SDK1: variants seen among roughly 807,000 people sequenced by gnomAD.
The protein encoded by SDK1 is protein sidekick-1.
A neutral mutation model predicts 245.5 loss-of-function variants in SDK1; 157 were observed. The observed-to-expected ratio is 0.64, with a 90% CI of 0.56 to 0.73. The LOEUF (loss-of-function observed/expected upper bound fraction) is 0.73. SDK1 is among the 30% of genes least tolerant of loss of function. The pLI is 0.00. For missense variants in SDK1, 3,583 were observed against 3,002.3 expected, an observed-to-expected ratio of 1.19 and a Z score of -4.52; for synonymous variants, 1,647 against 1,278.5, an observed-to-expected ratio of 1.29 and a Z score of -6.15.
At chr7:4,175,664 A>G (rs930947730) in intron 33 of SDK1, 111 bp from the exon 34 acceptor site, 2 of 879,356 alleles carry the variant, frequency 2.3e-6, no homozygotes, top group Non-Finnish European at 3.8e-6. Flanking sequence ...CAGCGTGGGA[A>G]GTGGCTGGCA....
At chr7:3,682,335 T>C (rs1378646429) in intron 4 of SDK1, among the ~76,000 whole-genome samples, 1 of 152,186 alleles carries the variant, frequency 6.6e-6, no homozygotes, top group Non-Finnish European at 1.5e-5. Flanking sequence ...TATGCCACAG[T>C]TGCTTCTTAT....
At chr7:3,749,651 G>C (rs1779722499) in intron 4 of SDK1, among the ~76,000 whole-genome samples, 1 of 152,182 alleles carries the variant, frequency 6.6e-6, no homozygotes. Flanking sequence ...TCTGATACAA[G>C]GATAGAAGTG....
chr7:3,604,260 A>C (rs1228500076), intron 1 of SDK1, among the ~76,000 whole-genome samples: 1 of 152,170 alleles, frequency 6.6e-6, no homozygotes, highest in Non-Finnish European at 1.5e-5. Flanking sequence ...AAGGATTGGT[A>C]CCAGCTCCTC....
chr7:3,633,086 A>G (rs942518195), intron 2 of SDK1, among the ~76,000 whole-genome samples: 3 of 151,488 alleles, frequency 2.0e-5, no homozygotes, highest in Non-Finnish European at 4.4e-5. Context: ...TTTTTTTTTC[A>G]TTTTAAGGAT....
chr7:3,710,200 G>A (rs757837525), intron 4 of SDK1, among the ~76,000 whole-genome samples: 1 of 152,172 alleles, frequency 6.6e-6, no homozygotes, highest in Admixed American at 6.5e-5. Flanking sequence ...ACATGCAGCA[G>A]TTAATTATGC....
intron 4 of SDK1, among the ~76,000 whole-genome samples, chr7:3,781,258 T>G (rs1780726293): frequency 6.6e-6 from 1 of 152,110 alleles, no homozygotes; most frequent in African/African-American, 2.4e-5. Flanking sequence ...CAGAAGTCAT[T>G]GCAGTACTTA....
rs182445135 is a variant in SDK1 at position 4,119,868 on chromosome 7, A to G, written c.3823+5594A>G. On this transcript the variant is annotated intron_variant, in intron 25 of 44. Coordinates refer to ENST00000404826, the MANE Select transcript of SDK1 (RefSeq NM_152744.4). ...GATAGAGGGCTTCAATTACATTAAC[A>G]TACATACAAGTCTGAGAGAAATATA... Among the ~76,000 whole-genome samples the G allele has an allele frequency of 1.4e-4, 21 of 149,344 alleles. 3 individuals carry two copies. The highest frequency in any genetic ancestry group is 2.2e-4 in the African/African-American group (9 of 41,016).
At chr7:3,475,019 C>T (rs528757251) in intron 1 of SDK1, among the ~76,000 whole-genome samples, 4 of 152,144 alleles carry the variant, frequency 2.6e-5, no homozygotes, top group Admixed American at 6.5e-5. Context: ...CTAACTGATA[C>T]CCCTGCATTC....
At chr7:3,597,140 C>T (rs549019855) in intron 1 of SDK1, among the ~76,000 whole-genome samples, 4 of 151,938 alleles carry the variant, frequency 2.6e-5, no homozygotes, top group East Asian at 3.9e-4. Context: ...GATGTGGTGG[C>T]GGGTGCCTGT....
In SDK1 at chr7:3,424,926, A is replaced by T. The variant is rs188010266; in HGVS notation, c.298+123042A>T. Among the ~76,000 whole-genome samples, 24 of 152,280 alleles carry T rather than the reference A, an allele frequency of 1.6e-4. No homozygotes were observed. In the East Asian group the frequency reaches 4.4e-3, roughly 28 times the overall value. Reference sequence around the variant, plus strand: ...AACAAATATTTTTCATCCTTGGAAAAATAAAACCTAAAATAAGAAGAGCAG... The same window carrying T: ...AACAAATATTTTTCATCCTTGGAAATATAAAACCTAAAATAAGAAGAGCAG... On this transcript the variant is annotated intron_variant, in intron 1 of 44. Transcript: ENST00000404826.
At position 4,268,731 on chromosome 7, in the gene SDK1, G is replaced by A. The variant is rs571722827; in HGVS notation, c.*3347G>A. On this transcript the variant is annotated 3_prime_UTR_variant, in exon 45 of 45. Transcript: ENST00000404826. Reference sequence around the variant, plus strand: ...TCTGCGTACCTAAGTGTGGCTCCCCGTGGGTCAGCGTCCTGGTAGCATGGA... The same window carrying A: ...TCTGCGTACCTAAGTGTGGCTCCCCATGGGTCAGCGTCCTGGTAGCATGGA... 2.6e-4 allele frequency: 358 copies of A among 1,367,818 alleles called. 4 individuals carry two copies. In the South Asian group the frequency reaches 3.5e-3, roughly 13 times the overall value. The allele number at this position is 1,367,818 out of a possible 1,614,324, so 84.7% of individuals were successfully genotyped here. A position where few individuals can be genotyped will look rare whatever the true frequency, so the allele number is the denominator to read the frequency against.
chr7:4,007,350 A>AGGG lies in SDK1; in HGVS notation c.2132-3613_2132-3611dup, dbSNP rs1265985637. Among the ~76,000 whole-genome samples the AGGG allele has an allele frequency of 2.0e-5, 3 of 152,182 alleles. No individual in the cohort carries two copies. In the East Asian group the frequency reaches 5.8e-4, roughly 30 times the overall value. ...TATGTAGGGTGGCTGCTTGGAAAAG[A>AGGG]GGGGGACCCAGGTAGCCCCAGGCAG... is the stretch of plus-strand genomic sequence containing the variant. On this transcript the variant is annotated intron_variant, in intron 14 of 44. Coordinates refer to ENST00000404826, the MANE Select transcript of SDK1 (RefSeq NM_152744.4).
At chr7:3,635,972 A>T (rs1393075129) in intron 2 of SDK1, among the ~76,000 whole-genome samples, 1 of 152,162 alleles carries the variant, frequency 6.6e-6, no homozygotes. Context: ...AAAGCATCCA[A>T]TCCTCATGTC....
chr7:4,164,564 C>A (rs1781374646), intron 32 of SDK1, among the ~76,000 whole-genome samples: 1 of 152,226 alleles, frequency 6.6e-6, no homozygotes, highest in Admixed American at 6.5e-5. Flanking sequence ...CTGAATCCTA[C>A]CAGAAAATTC....
At chr7:3,572,915 AAAGT>A (rs1780161210) in intron 1 of SDK1, among the ~76,000 whole-genome samples, 1 of 152,040 alleles carries the variant, frequency 6.6e-6, no homozygotes, top group Non-Finnish European at 1.5e-5. Context: ...TTTCAGTTGA[AAAGT>A]AAGTAGGAAT....
chr7:3,765,523 G>A (rs1372519947), intron 4 of SDK1, among the ~76,000 whole-genome samples: 3 of 152,094 alleles, frequency 2.0e-5, no homozygotes, highest in Non-Finnish European at 2.9e-5. Context: ...TCCTTTTAAC[G>A]CTAGTTCTCG....
intron 35 of SDK1, among the ~76,000 whole-genome samples, chr7:4,179,712 T>C (rs1473453331): frequency 2.0e-5 from 3 of 151,744 alleles, no homozygotes; most frequent in African/African-American, 7.3e-5. Context: ...TTGAGGGCCA[T>C]GGTGGGGCCA....
At chr7:3,710,327 T>G (rs981947888) in intron 4 of SDK1, among the ~76,000 whole-genome samples, 1 of 152,246 alleles carries the variant, frequency 6.6e-6, no homozygotes, top group African/African-American at 2.4e-5. Flanking sequence ...CCTCACATAC[T>G]GAACACACAC....
intron 44 of SDK1, among the ~76,000 whole-genome samples, chr7:4,261,550 C>T (rs754714610): frequency 1.3e-5 from 2 of 152,168 alleles, no homozygotes; most frequent in African/African-American, 4.8e-5. Context: ...ACCCACAAGG[C>T]GCAGCTCCTA....
Sources: allele counts gnomAD v4.1 joint callset (sites outside exome capture counted in the v4.1 genomes callset), GRCh38; gene constraint gnomAD v4.1.1; transcripts MANE v1.5; gene names NCBI Gene and HGNC (gene_info 2026-07-23, HGNC 2026-07-21).